Variants in SLC12A1 observed in about 807,000 individuals in gnomAD.
SLC12A1 encodes Na-K-2Cl cotransporter.
Under a neutral mutation model 130.4 loss-of-function variants are expected in SLC12A1, and 89 were observed. The observed-to-expected ratio is 0.68, with a 90% CI of 0.58 to 0.81. The LOEUF (loss-of-function observed/expected upper bound fraction) is 0.81. SLC12A1 is among the 40% of genes least tolerant of loss of function. The pLI, the probability that SLC12A1 is intolerant of heterozygous loss-of-function variation, is 0.00. For synonymous variants in SLC12A1, 499 were observed against 460.0 expected, an observed-to-expected ratio of 1.08 and a Z score of -1.09; for missense variants, 1,310 against 1,336.4, an observed-to-expected ratio of 0.98 and a Z score of 0.31.
At chr15:48,249,536 T>C in intron 13 of SLC12A1, 39 bp from the exon 14 acceptor site, 5 of 1,468,372 alleles carry the variant, frequency 3.4e-6, no homozygotes, top group Non-Finnish European at 4.8e-6. Flanking sequence ...CCTGGTCTCA[T>C]CACTCATACG....
In SLC12A1 at chr15:48,210,825, T is replaced by G. The variant is rs1190936596; in HGVS notation, c.420+2686T>G. Among the ~76,000 whole-genome samples the G allele has an allele frequency of 2.0e-5, 3 of 151,454 alleles. No individual in the cohort carries two copies. In the East Asian group the frequency reaches 5.8e-4, roughly 29 times the overall value. On this transcript the variant is annotated intron_variant, in intron 2 of 26. Transcript: ENST00000380993. ...TTGCGGTGAGCTGAGATAGTGCCACTGCACTCCAGTCTGGGCAACAGGAGT... is the reference window on the plus strand; with the variant it reads ...TTGCGGTGAGCTGAGATAGTGCCACGGCACTCCAGTCTGGGCAACAGGAGT...
intron 19 of SLC12A1, 53 bp from the exon 20 acceptor site, chr15:48,274,518 T>C (rs2041930036): frequency 8.6e-7 from 1 of 1,166,532 alleles, no homozygotes; most frequent in Non-Finnish European, 1.3e-6. Flanking sequence ...AGTCCAAAGC[T>C]TGAGGATTAA....
chr15:48,267,258 T>C (rs893535850), intron 17 of SLC12A1, among the ~76,000 whole-genome samples: 5 of 152,196 alleles, frequency 3.3e-5, no homozygotes, highest in Non-Finnish European at 5.9e-5. Context: ...GCCTCTTCAG[T>C]CACATTTTCA....
chr15:48,230,873 G>C (rs1381101111), intron 7 of SLC12A1, among the ~76,000 whole-genome samples: 1 of 152,210 alleles, frequency 6.6e-6, no homozygotes, highest in African/African-American at 2.4e-5. Context: ...AATGGCAAGT[G>C]TGTTGAGAAC....
chr15:48,244,656 G>C, intron 10 of SLC12A1, 97 bp from the exon 11 acceptor site: 1 of 1,202,448 alleles, frequency 8.3e-7, no homozygotes, highest in Non-Finnish European at 1.2e-6. Context: ...GCTAAGAAAT[G>C]GACCTTTTCA....
At chr15:48,274,713 A>G in intron 20 of SLC12A1, 60 bp downstream of exon 20, 3 of 1,175,864 alleles carry the variant, frequency 2.6e-6, no homozygotes, top group Non-Finnish European at 3.8e-6. Context: ...TGTGCCTGAC[A>G]TTGTTATGGG....
rs367570619 is a variant in SLC12A1 at position 48,291,806 on chromosome 15, A to G, written c.2902A>G (p.Ile968Val). The G allele has an allele frequency of 1.1e-5, 17 of 1,568,142 alleles. No individual in the cohort carries two copies. Among genetic ancestry groups the G allele is most frequent in the Middle Eastern group, 3.3e-4 (2 of 6,030 alleles). The change falls in exon 24 of 27, where the codon ATA becomes GTA. Residue 968 changes from isoleucine to valine, a missense_variant. By Grantham distance (29) the Ile-to-Val change is conservative. Coordinates refer to ENST00000380993, the MANE Select transcript of SLC12A1 (RefSeq NM_000338.3). ...VMASLLSKFRIKFADIHIIGD... is the reference protein window; with the variant it reads ...VMASLLSKFRVKFADIHIIGD... ...GGCTTCCCTTCTGAGCAAATTTAGG[A>G]TAAAATTTGCAGACATCCATATCAT...
chr15:48,302,762 G>A lies in SLC12A1; in HGVS notation c.3177G>A (p.Val1059=). ...AANLIVLSLP[V]ARKGSISDLL... Reference sequence around the variant, plus strand: ...TTCATGTCATTAGGAGCCTTCCCGTGGCAAGAAAGGGATCCATATCGGATT... The same window carrying A: ...TTCATGTCATTAGGAGCCTTCCCGTAGCAAGAAAGGGATCCATATCGGATT... The change falls in exon 27 of 27, where the codon GTG becomes GTA. Residue 1059 remains valine (V), a synonymous_variant. Coordinates refer to ENST00000380993, the MANE Select transcript of SLC12A1 (RefSeq NM_000338.3). 1 of 1,607,256 alleles carries A rather than the reference G, an allele frequency of 6.2e-7. No individual in the cohort carries two copies. The highest frequency in any genetic ancestry group is 8.5e-7 in the Non-Finnish European group (1 of 1,176,876).
intron 13 of SLC12A1, among the ~76,000 whole-genome samples, chr15:48,248,003 G>A (rs2041603235): frequency 6.6e-6 from 1 of 152,130 alleles, no homozygotes; most frequent in African/African-American, 2.4e-5. Context: ...CTATAATCTT[G>A]GCTTCCTCTC....
intron 24 of SLC12A1, among the ~76,000 whole-genome samples, chr15:48,293,100 G>C (rs2042138412): frequency 6.6e-6 from 1 of 152,142 alleles, no homozygotes. Context: ...GTAGAGACAG[G>C]CTTTCGCCAT....
At chr15:48,296,398 G>A (rs1364126526) in intron 24 of SLC12A1, among the ~76,000 whole-genome samples, 2 of 152,154 alleles carry the variant, frequency 1.3e-5, no homozygotes, top group African/African-American at 4.8e-5. Flanking sequence ...ATTGACCCAG[G>A]AGAAACTGAA....
chr15:48,226,736 T>C, intron 5 of SLC12A1, 165 bp downstream of exon 5: 1 of 652,360 alleles, frequency 1.5e-6, no homozygotes, highest in East Asian at 2.7e-5. Context: ...ATGAGAATAG[T>C]CCAGGTCTAC....
At chr15:48,234,151 GTTGA>G (rs1303350856) in intron 8 of SLC12A1, among the ~76,000 whole-genome samples, 1 of 152,156 alleles carries the variant, frequency 6.6e-6, no homozygotes, top group Non-Finnish European at 1.5e-5. Flanking sequence ...AAACCAGTGT[GTTGA>G]TTGTTTATGG....
chr15:48,283,213 C>A (rs755720851), intron 20 of SLC12A1, among the ~76,000 whole-genome samples: 1 of 152,116 alleles, frequency 6.6e-6, no homozygotes, highest in Non-Finnish European at 1.5e-5. Flanking sequence ...AAACACTATG[C>A]AGAAACTTTG....
At position 48,261,319 on chromosome 15, in the gene SLC12A1, C is replaced by T. The variant is rs1298156182; in HGVS notation, c.2154+2008C>T. 2.0e-5 allele frequency among the ~76,000 whole-genome samples: 3 copies of T among 152,326 alleles called. No individual in the cohort carries two copies. The East Asian group carries it at 5.8e-4, about 29-fold the overall frequency. ...GAGATTGCTTTTAATTAACCATTTGCTGCTTTAACTATAATACAGGAGGAT... is the reference window on the plus strand; with the variant it reads ...GAGATTGCTTTTAATTAACCATTTGTTGCTTTAACTATAATACAGGAGGAT... On this transcript the variant is annotated intron_variant, in intron 17 of 26. Transcript: ENST00000380993.
intron 19 of SLC12A1, among the ~76,000 whole-genome samples, chr15:48,270,691 A>G (rs2041883846): frequency 9.3e-6 from 1 of 107,656 alleles, no homozygotes; most frequent in African/African-American, 4.2e-5. Context: ...TTATTTATAT[A>G]TATACACATA....
At chr15:48,282,518 T>G (rs2042018555) in intron 20 of SLC12A1, among the ~76,000 whole-genome samples, 1 of 151,934 alleles carries the variant, frequency 6.6e-6, no homozygotes, top group South Asian at 2.1e-4. Context: ...AAGAATCCCC[T>G]CCCAGGGCAG....
chr15:48,295,952 C>T (rs1050279936), intron 24 of SLC12A1, among the ~76,000 whole-genome samples: 4 of 152,192 alleles, frequency 2.6e-5, no homozygotes, highest in Admixed American at 1.3e-4. Context: ...CCACTAGTAG[C>T]GCGTCTGGCA....
At chr15:48,253,711 T>C (rs2041672543) in intron 15 of SLC12A1, among the ~76,000 whole-genome samples, 1 of 152,226 alleles carries the variant, frequency 6.6e-6, no homozygotes. Flanking sequence ...AGTAAGTGTA[T>C]ATATAACTTT....
Sources: allele counts gnomAD v4.1 joint callset (sites outside exome capture counted in the v4.1 genomes callset), GRCh38; gene constraint gnomAD v4.1.1; transcripts MANE v1.5; gene names NCBI Gene and HGNC (gene_info 2026-07-23, HGNC 2026-07-21).